The following WWOX variants were observed in gnomAD, a reference collection of about 807,000 sequenced individuals.
The protein encoded by WWOX is WW domain-containing oxidoreductase.
Under a neutral mutation model 46.2 loss-of-function variants are expected in WWOX, and 69 were observed. That is an observed-to-expected ratio of 1.49 (90% CI 1.23 to 1.82). The LOEUF is 1.82. Among genes scored for constraint, WWOX ranks in the 40% most tolerant of loss-of-function variants. The pLI is 0.00. For missense variants in WWOX, 919 were observed against 542.6 expected, an observed-to-expected ratio of 1.69 and a Z score of -6.89; for synonymous variants, 359 against 202.6, an observed-to-expected ratio of 1.77 and a Z score of -6.56.
intron 8 of WWOX, among the ~76,000 whole-genome samples, chr16:78,967,761 C>T (rs530587596): frequency 2.6e-5 from 4 of 152,148 alleles, no homozygotes; most frequent in African/African-American, 9.6e-5. Flanking sequence ...AAGCTGGAGA[C>T]TGCAGAGGAT....
intron 8 of WWOX, among the ~76,000 whole-genome samples, chr16:78,698,220 T>G (rs369914858): frequency 1.3e-5 from 2 of 152,166 alleles, no homozygotes; most frequent in African/African-American, 4.8e-5. Context: ...AGATGGAGTT[T>G]GGATTCGGGC....
At chr16:78,512,967 G>T (rs1286425171) in intron 8 of WWOX, among the ~76,000 whole-genome samples, 5 of 152,244 alleles carry the variant, frequency 3.3e-5, no homozygotes, top group South Asian at 2.1e-4. Flanking sequence ...CATATGCTGT[G>T]GGTCATCACA....
At chr16:78,458,682 A>C (rs969959365) in intron 8 of WWOX, among the ~76,000 whole-genome samples, 1 of 152,174 alleles carries the variant, frequency 6.6e-6, no homozygotes, top group Non-Finnish European at 1.5e-5. Flanking sequence ...ATTTTTTAGC[A>C]TTAATATTAG....
Position 78,109,711 on chromosome 16 carries a change from C to T in WWOX, c.173-67C>T, listed in dbSNP as rs1678391514. 2.5e-6 allele frequency: 4 copies of T among 1,582,916 alleles called. No individual in the cohort carries two copies. In the South Asian group the frequency reaches 4.4e-5, roughly 18 times the overall value. On this transcript the variant is annotated intron_variant, in intron 2 of 8. Transcript: ENST00000566780. ...GGGCGGGGCTGGGAGGGCTCCTTCC[C>T]TTCCTGACCCAGGGATGGTCTTTAC...
chr16:78,935,969 T>C (rs1043873813), intron 8 of WWOX, among the ~76,000 whole-genome samples: 5 of 151,544 alleles, frequency 3.3e-5, no homozygotes, highest in East Asian at 1.9e-4. Context: ...AAAAAAAAAG[T>C]TGGAAGGGTG....
chr16:78,833,691 A>G (rs1216407302), intron 8 of WWOX, among the ~76,000 whole-genome samples: 1 of 152,252 alleles, frequency 6.6e-6, no homozygotes, highest in Admixed American at 6.5e-5. Context: ...GAGATTTCAC[A>G]GCAGTTGATT....
Position 78,471,246 on chromosome 16 carries a change from GC to G in WWOX, c.1056+38496del, listed in dbSNP as rs145826881. ...TCCAGGATCTGCTTTTCCCTGTCCTGCCAATTCTTGAGCTGCTAATAAACAT... is the reference window on the plus strand; with the variant it reads ...TCCAGGATCTGCTTTTCCCTGTCCTGCAATTCTTGAGCTGCTAATAAACAT... On this transcript the variant is annotated intron_variant, in intron 8 of 8. Transcript: ENST00000566780. 4.4e-3 allele frequency among the ~76,000 whole-genome samples: 668 copies of G among 152,296 alleles called. 18 individuals carry two copies. The South Asian group carries it at 0.071, about 16-fold the overall frequency.
intron 8 of WWOX, among the ~76,000 whole-genome samples, chr16:78,616,786 T>G (rs1458653217): frequency 6.6e-6 from 1 of 151,416 alleles, no homozygotes; most frequent in Non-Finnish European, 1.5e-5. Context: ...AATAATAAAG[T>G]AAATAAAAGG....
In WWOX at chr16:78,776,952, G is replaced by C. The variant is rs183343619; in HGVS notation, c.1056+344200G>C. Among the ~76,000 whole-genome samples the C allele has an allele frequency of 2.6e-3, 401 of 152,236 alleles. 3 individuals carry two copies. The highest frequency in any genetic ancestry group is 9.1e-3 in the African/African-American group (378 of 41,518). On this transcript the variant is annotated intron_variant, in intron 8 of 8. Transcript: ENST00000566780. ...GGGATTACAGCTTGTATTACAATTC[G>C]AGATGAGATTTGGGTGGGGACACAG...
In WWOX at chr16:78,561,518, G is replaced by C. The variant is rs560937917; in HGVS notation, c.1056+128766G>C. ...GAATTGACTCAGTAACTGGAAGAAT[G>C]CATGCGTACACCATGGACCGGGAAT... is the stretch of plus-strand genomic sequence containing the variant. On this transcript the variant is annotated intron_variant, in intron 8 of 8. Transcript: ENST00000566780. Among the ~76,000 whole-genome samples the C allele has an allele frequency of 1.5e-3, 231 of 152,190 alleles. 3 individuals carry two copies. Among genetic ancestry groups the C allele is most frequent in the African/African-American group, 5.4e-3 (223 of 41,510 alleles).
At chr16:78,844,849 C>T (rs1383022028) in intron 8 of WWOX, among the ~76,000 whole-genome samples, 1 of 152,170 alleles carries the variant, frequency 6.6e-6, no homozygotes, top group African/African-American at 2.4e-5. Flanking sequence ...GACCCAGTGA[C>T]CTTGCTCTAG....
At chr16:78,148,801 G>A (rs554456821) in intron 4 of WWOX, among the ~76,000 whole-genome samples, 2 of 149,920 alleles carry the variant, frequency 1.3e-5, no homozygotes, top group East Asian at 4.0e-4. Context: ...GGGAGGCTGA[G>A]GCAGGAGAAT....
At chr16:79,022,542 C>G (rs1170959364) in intron 8 of WWOX, among the ~76,000 whole-genome samples, 3 of 152,092 alleles carry the variant, frequency 2.0e-5, no homozygotes, top group East Asian at 3.9e-4. Context: ...ATTGCTCATT[C>G]TCTTTCCAAT....
chr16:79,173,612 A>G (rs988050896), intron 8 of WWOX, among the ~76,000 whole-genome samples: 2 of 152,072 alleles, frequency 1.3e-5, no homozygotes, highest in African/African-American at 4.8e-5. Context: ...TTCCTATCAA[A>G]TAAAGCCTTT....
chr16:79,131,320 C>A (rs1306267950), intron 8 of WWOX, among the ~76,000 whole-genome samples: 1 of 152,012 alleles, frequency 6.6e-6, no homozygotes, highest in Non-Finnish European at 1.5e-5. Context: ...GAGTTATGTG[C>A]TTGGAAAAAA....
chr16:78,435,584 G>C (rs2083317059), intron 8 of WWOX, among the ~76,000 whole-genome samples: 1 of 152,198 alleles, frequency 6.6e-6, no homozygotes, highest in African/African-American at 2.4e-5. Context: ...CCCAGGTTTT[G>C]TTGAAGTTGT....
intron 5 of WWOX, among the ~76,000 whole-genome samples, chr16:78,368,412 A>G (rs560109047): frequency 6.6e-6 from 1 of 152,290 alleles, no homozygotes; most frequent in South Asian, 2.1e-4. Flanking sequence ...GTGTGGACTC[A>G]TAAAGTCACT....
rs557859343 is a variant in WWOX, at chr16:78,323,797, C to G, written c.517-63063C>G. Among the ~76,000 whole-genome samples the G allele has an allele frequency of 1.3e-5, 2 of 152,054 alleles. 1 individual carries two copies. Among genetic ancestry groups the G allele is most frequent in the South Asian group, 4.1e-4 (2 of 4,826 alleles). On this transcript the variant is annotated intron_variant, in intron 5 of 8. Transcript: ENST00000566780. ...ACATATATTTTCTTTTTCCTTTGTCCGGCATACTTGACTAATTGTAGAGCT... is the reference window on the plus strand; with the variant it reads ...ACATATATTTTCTTTTTCCTTTGTCGGGCATACTTGACTAATTGTAGAGCT...
At chr16:78,693,268 C>T (rs575355010) in intron 8 of WWOX, among the ~76,000 whole-genome samples, 2 of 152,262 alleles carry the variant, frequency 1.3e-5, no homozygotes, top group African/African-American at 4.8e-5. Context: ...TTCTAGAGGT[C>T]TAGCCTACAA....
Sources: gnomAD v4.1 joint callset for allele counts (sites outside exome capture counted in the v4.1 genomes callset) on GRCh38, gnomAD v4.1.1 for gene constraint, MANE v1.5 for transcripts, NCBI Gene and HGNC (gene_info 2026-07-23, HGNC 2026-07-21) for gene names.